Variants in XRN2 observed in about 807,000 individuals in gnomAD.
The protein encoded by XRN2 is DHM1-like protein.
In XRN2, 44 loss-of-function variants were observed where a neutral mutation model predicts 138.5. That is an observed-to-expected ratio of 0.32 (90% CI 0.25 to 0.41). XRN2 has a LOEUF of 0.41. Among genes scored for constraint, XRN2 ranks in the 10% least tolerant of loss-of-function variants. XRN2 has a pLI of 1.00. For synonymous variants in XRN2, 354 were observed against 369.4 expected (o/e 0.96, Z 0.48); for missense variants, 937 against 1,169.3 (o/e 0.80, Z 2.90).
Position 21,333,764 on chromosome 20 carries a change from A to G in XRN2, c.994A>G (p.Ile332Val). ...LPFTFDVERS[I>V]DDWVFMCFFV... The stretch of plus-strand genomic sequence containing the variant: ...ATTCACATTTGATGTTGAGAGGAGC[A>G]TTGATGACTGGGTTTTCATGTGCTT... The change falls in exon 11 of 30, where the codon ATT becomes GTT. Residue 332 changes from isoleucine (I) to valine (V), a missense_variant. Ile to Val is a conservative substitution (Grantham distance 29). Around this residue, in one of 6 missense-constraint regions of XRN2, gnomAD observed 471 missense variants for 581.2 expected, o/e 0.81. Coordinates refer to ENST00000377191, the MANE Select transcript of XRN2 (RefSeq NM_012255.5). 6.2e-7 allele frequency: 1 copy of G among 1,614,184 alleles called. No individual in the cohort carries two copies. Among genetic ancestry groups the G allele is most frequent in the Non-Finnish European group, 8.5e-7 (1 of 1,180,016 alleles).
At chr20:21,351,571 A>G (rs1425092581) in intron 20 of XRN2, among the ~76,000 whole-genome samples, 22 of 152,112 alleles carry the variant, frequency 1.4e-4, no homozygotes. Flanking sequence ...ATGTCCTTTG[A>G]TGCACACAAG....
At chr20:21,332,135 A>G in intron 8 of XRN2, 148 bp from the exon 9 acceptor site, 2 of 963,864 alleles carry the variant, frequency 2.1e-6, no homozygotes, top group Non-Finnish European at 1.5e-6. Context: ...TAACTGGGAA[A>G]TGCCAGGAAG....
rs943953757 is a variant in XRN2, at chr20:21,330,700, T to C, written c.571T>C (p.Leu191=). ...AAATAATGACCCTGGGTGGAAAAAT[T>C]TGACAGTAAGTTTCACATTTTGATA... ...RLNNDPGWKN[L]TVILSDASAP... The change falls in exon 6 of 30, where the codon TTG becomes CTG. Residue 191 remains leucine (L), a synonymous_variant. Coordinates refer to ENST00000377191, the MANE Select transcript of XRN2 (RefSeq NM_012255.5). 5.0e-6 allele frequency: 8 copies of C among 1,611,930 alleles called. No individual in the cohort carries two copies. The highest frequency in any genetic ancestry group is 6.8e-6 in the Non-Finnish European group (8 of 1,179,770).
chr20:21,342,492 ATTAT>A (rs1457997876), intron 15 of XRN2, among the ~76,000 whole-genome samples: 1 of 152,160 alleles, frequency 6.6e-6, no homozygotes, highest in African/African-American at 2.4e-5. Flanking sequence ...AAAGTATATT[ATTAT>A]TTGTTTTCTA....
intron 15 of XRN2, among the ~76,000 whole-genome samples, chr20:21,343,391 A>G (rs2122239618): frequency 6.6e-6 from 1 of 152,162 alleles, no homozygotes; most frequent in South Asian, 2.1e-4. Flanking sequence ...TTAAAGTGAC[A>G]GCTAAGTCTT....
At position 21,332,362 on chromosome 20, in the gene XRN2, C is replaced by T. The variant is rs776427988; in HGVS notation, c.780C>T (p.Pro260=). 1 of 1,613,580 alleles carries T rather than the reference C, an allele frequency of 6.2e-7. No homozygotes were observed. The highest frequency in any genetic ancestry group is 8.5e-7 in the Non-Finnish European group (1 of 1,179,780). ...GAGAAGAATTCAAACCAAACAAGCCCAAACCATGTGGTCTTTGTAATCAGT... is the reference window on the plus strand; with the variant it reads ...GAGAAGAATTCAAACCAAACAAGCCTAAACCATGTGGTCTTTGTAATCAGT... The part of the protein sequence containing the change: ...IIREEFKPNK[P]KPCGLCNQFG... Residue 260 remains proline (P), a synonymous_variant, in exon 9 of 30, where the codon CCC becomes CCT. Transcript: ENST00000377191.
intron 27 of XRN2, among the ~76,000 whole-genome samples, chr20:21,370,579 G>T (rs897584503): frequency 6.6e-6 from 1 of 152,164 alleles, no homozygotes; most frequent in African/African-American, 2.4e-5. Flanking sequence ...GTATCTCAAT[G>T]CTACCTACAA....
chr20:21,317,534 G>A (rs1327447346), intron 1 of XRN2, among the ~76,000 whole-genome samples: 1 of 152,034 alleles, frequency 6.6e-6, no homozygotes, highest in Non-Finnish European at 1.5e-5. Flanking sequence ...TATCTGTGAG[G>A]GATTGGTTCC....
rs780315089 is a variant in XRN2, at chr20:21,348,128, C to T, written c.1666-18C>T. 1.3e-5 allele frequency: 20 copies of T among 1,574,204 alleles called. No individual in the cohort carries two copies. The South Asian group carries it at 2.3e-4, about 18-fold the overall frequency. ...ACATAGGTTTTTGATTTTGTTGTTA[C>T]TTTTTTAATGATTCTAGGGCTGTGC... On this transcript the variant is annotated intron_variant, in intron 17 of 29. Coordinates refer to ENST00000377191, the MANE Select transcript of XRN2 (RefSeq NM_012255.5).
At position 21,326,259 on chromosome 20, in the gene XRN2, T is replaced by A; in HGVS notation, c.76-20T>A. 1 of 1,609,358 alleles carries A rather than the reference T, an allele frequency of 6.2e-7. No homozygotes were observed. The highest frequency in any genetic ancestry group is 1.1e-5 in the South Asian group (1 of 90,722). ...TAGACTTGAACAATCAAACTACTAT[T>A]AATTATCACTTCCTCATAGCCAAAA... On this transcript the variant is annotated intron_variant, in intron 1 of 29. Transcript: ENST00000377191.
At chr20:21,320,953 G>A (rs1441780236) in intron 1 of XRN2, among the ~76,000 whole-genome samples, 1 of 152,156 alleles carries the variant, frequency 6.6e-6, no homozygotes, top group Non-Finnish European at 1.5e-5. Context: ...GTCCAGGCCT[G>A]TATCTTCATT....
chr20:21,339,069 A>G lies in XRN2; in HGVS notation c.1259A>G (p.Glu420Gly). 6.2e-7 allele frequency: 1 copy of G among 1,606,086 alleles called. No homozygotes were observed. Among genetic ancestry groups the G allele is most frequent in the Non-Finnish European group, 8.5e-7 (1 of 1,175,762 alleles). Residue 420 changes from glutamate to glycine, a missense_variant, in exon 14 of 30, where the codon GAA becomes GGA. By Grantham distance (98) the Glu-to-Gly change is moderately conservative. Around this residue, in one of 6 missense-constraint regions of XRN2, gnomAD observed 471 missense variants for 581.2 expected, o/e 0.81. Transcript: ENST00000377191. ...DEDSFRRRQKEKRKRMKRDQP... is the reference protein window; with the variant it reads ...DEDSFRRRQKGKRKRMKRDQP... ...GACAGTTTTAGAAGACGACAGAAAG[A>G]AAAAAGAAAGAGAATGAAGGTGAGT... is the stretch of plus-strand genomic sequence containing the variant.
At chr20:21,382,567 T>C (rs971932448) in intron 28 of XRN2, among the ~76,000 whole-genome samples, 18 of 152,188 alleles carry the variant, frequency 1.2e-4, no homozygotes, top group Non-Finnish European at 2.9e-5. Context: ...TCAGTAGTTA[T>C]TAGTTGCCAC....
chr20:21,383,381 T>G (rs530870417), intron 28 of XRN2, among the ~76,000 whole-genome samples: 1 of 152,352 alleles, frequency 6.6e-6, no homozygotes, highest in South Asian at 2.1e-4. Flanking sequence ...TTTGTCTGCT[T>G]ACAAAGTGTT....
At chr20:21,325,309 A>G (rs2038108569) in intron 1 of XRN2, among the ~76,000 whole-genome samples, 2 of 152,224 alleles carry the variant, frequency 1.3e-5, no homozygotes, top group African/African-American at 4.8e-5. Flanking sequence ...GAGAAAAACA[A>G]AGGAAGTAAC....
intron 1 of XRN2, among the ~76,000 whole-genome samples, chr20:21,318,626 C>T (rs926648665): frequency 2.6e-4 from 39 of 152,006 alleles, no homozygotes; most frequent in African/African-American, 9.2e-4. Flanking sequence ...TATATGTATT[C>T]CATAACATTT....
intron 27 of XRN2, among the ~76,000 whole-genome samples, chr20:21,374,525 T>G (rs2122336323): frequency 6.6e-6 from 1 of 152,288 alleles, no homozygotes; most frequent in South Asian, 2.1e-4. Flanking sequence ...GTATTGAATT[T>G]TATCAGATGC....
At chr20:21,320,964 A>G (rs1212790056) in intron 1 of XRN2, among the ~76,000 whole-genome samples, 1 of 152,128 alleles carries the variant, frequency 6.6e-6, no homozygotes, top group Non-Finnish European at 1.5e-5. Context: ...TATCTTCATT[A>G]GATCTATTAG....
chr20:21,384,645 ACCATG>A (rs1399701618), intron 28 of XRN2, among the ~76,000 whole-genome samples: 3 of 152,070 alleles, frequency 2.0e-5, no homozygotes, highest in African/African-American at 7.2e-5. Context: ...CTCCCACACC[ACCATG>A]CCTGGCTGAT....
Sources: gnomAD v4.1 joint callset for allele counts (sites outside exome capture counted in the v4.1 genomes callset) on GRCh38, gnomAD v4.1.1 for gene constraint, gnomAD v4.1.1 regional missense constraint, MANE v1.5 for transcripts, NCBI Gene and HGNC (gene_info 2026-07-23, HGNC 2026-07-21) for gene names.